Variants in RIMS2 observed in about 807,000 individuals in gnomAD.
RIMS2 encodes the protein regulating synaptic membrane exocytosis 2.
Under a neutral mutation model 174.4 loss-of-function variants are expected in RIMS2, and 59 were observed. The observed-to-expected ratio is 0.34, with a 90% CI of 0.27 to 0.42. The LOEUF (loss-of-function observed/expected upper bound fraction) is 0.42, where lower values mean the gene tolerates loss of function less well. Ranked by LOEUF, RIMS2 falls within the 10% of genes least tolerant of loss-of-function variation. RIMS2 has a pLI of 1.00. For synonymous variants in RIMS2, 606 were observed against 572.5 expected (o/e 1.06, Z -0.84); for missense variants, 1,620 against 1,666.3 (o/e 0.97, Z 0.48).
At chr8:103,729,218 C>T (rs1241002711) in intron 2 of RIMS2, among the ~76,000 whole-genome samples, 2 of 152,024 alleles carry the variant, frequency 1.3e-5, no homozygotes, top group Non-Finnish European at 2.9e-5. Flanking sequence ...CTTTTCTTTG[C>T]TGGGAAACTT....
At chr8:104,002,791 A>C (rs1420121211) in intron 17 of RIMS2, among the ~76,000 whole-genome samples, 2 of 152,128 alleles carry the variant, frequency 1.3e-5, no homozygotes, top group African/African-American at 4.8e-5. Flanking sequence ...ATAACATGAA[A>C]AGTTATGAGG....
chr8:103,879,468 T>G (rs2154516829), intron 3 of RIMS2, among the ~76,000 whole-genome samples: 1 of 151,694 alleles, frequency 6.6e-6, no homozygotes, highest in East Asian at 1.9e-4. Flanking sequence ...ATGGTTGAAA[T>G]TACTGGTTTT....
chr8:103,547,244 T>C (rs1845547179), intron 1 of RIMS2, among the ~76,000 whole-genome samples: 1 of 152,184 alleles, frequency 6.6e-6, no homozygotes, highest in South Asian at 2.1e-4. Flanking sequence ...TCTCATGTTA[T>C]CCTTCCCAAA....
chr8:104,236,838 T>G (rs1264492085), intron 19 of RIMS2, among the ~76,000 whole-genome samples: 1 of 152,090 alleles, frequency 6.6e-6, no homozygotes, highest in Non-Finnish European at 1.5e-5. Context: ...AAAAAGCACT[T>G]CAGGTAAAAA....
chr8:103,729,196 T>G (rs796721699), intron 2 of RIMS2, among the ~76,000 whole-genome samples: 1 of 152,276 alleles, frequency 6.6e-6, no homozygotes, highest in African/African-American at 2.4e-5. Flanking sequence ...AATGAAGACG[T>G]TGGATCCTGG....
intron 19 of RIMS2, among the ~76,000 whole-genome samples, chr8:104,070,901 C>T (rs931283889): frequency 1.3e-5 from 2 of 152,132 alleles, no homozygotes; most frequent in Non-Finnish European, 2.9e-5. Context: ...ATACCCACTA[C>T]ATGTGGGCAA....
At chr8:103,851,620 G>T (rs2098998360) in intron 3 of RIMS2, among the ~76,000 whole-genome samples, 1 of 147,984 alleles carries the variant, frequency 6.8e-6, no homozygotes, top group East Asian at 2.0e-4. Context: ...AGATGTGTAT[G>T]CCTGTGTCTA....
chr8:103,922,403 T>C (rs565240780), intron 10 of RIMS2, among the ~76,000 whole-genome samples: 1 of 152,158 alleles, frequency 6.6e-6, no homozygotes, highest in East Asian at 1.9e-4. Flanking sequence ...TTTTATATTG[T>C]GTTGATATTA....
chr8:103,667,168 CCCCTACA>C (rs2096681599), intron 1 of RIMS2, among the ~76,000 whole-genome samples: 2 of 152,156 alleles, frequency 1.3e-5, no homozygotes, highest in South Asian at 4.1e-4. Flanking sequence ...ATTTGTTAAT[CCCCTACA>C]ACAGAATCTC....
At chr8:103,748,320 C>T (rs747471070) in intron 2 of RIMS2, among the ~76,000 whole-genome samples, 6 of 151,932 alleles carry the variant, frequency 3.9e-5, no homozygotes, top group Non-Finnish European at 8.8e-5. Context: ...TGGTGTGTGC[C>T]TGTAGTCCCA....
At chr8:104,044,360 A>G (rs2096658481) in intron 19 of RIMS2, among the ~76,000 whole-genome samples, 1 of 151,498 alleles carries the variant, frequency 6.6e-6, no homozygotes, top group Non-Finnish European at 1.5e-5. Context: ...AAACAAGGAG[A>G]ATAATAAGGA....
At chr8:103,621,416 G>C (rs914249244) in intron 1 of RIMS2, among the ~76,000 whole-genome samples, 14 of 152,342 alleles carry the variant, frequency 9.2e-5, no homozygotes, top group African/African-American at 3.4e-4. Flanking sequence ...ACAAAGGAAG[G>C]AGGAAGTAAC....
Position 103,741,107 on chromosome 8 carries a change from A to T in RIMS2, c.388-25120A>T, listed in dbSNP as rs574337044. ...AATAATTATTAATACACAATTGTTT[A>T]AAATAAATGCAAATTTTGATTACAA... On this transcript the variant is annotated intron_variant, in intron 2 of 23. Transcript: ENST00000504942. 3.3e-5 allele frequency among the ~76,000 whole-genome samples: 5 copies of T among 152,170 alleles called. No homozygotes were observed. The South Asian group carries it at 1.0e-3, about 32-fold the overall frequency.
intron 19 of RIMS2, among the ~76,000 whole-genome samples, chr8:104,180,993 C>T (rs935341517): frequency 8.6e-5 from 13 of 151,572 alleles, no homozygotes; most frequent in African/African-American, 3.1e-4. Flanking sequence ...GTGTATCCTA[C>T]AAAACAATAA....
At chr8:103,904,730 A>G (rs1037934702) in intron 4 of RIMS2, among the ~76,000 whole-genome samples, 2 of 152,058 alleles carry the variant, frequency 1.3e-5, no homozygotes, top group Non-Finnish European at 2.9e-5. Flanking sequence ...AATCATGAAC[A>G]ATATTGGTCT....
chr8:104,248,679 T>C (rs1242182005), intron 20 of RIMS2, 22 bp from the exon 27 acceptor site: 2 of 1,265,574 alleles, frequency 1.6e-6, no homozygotes, highest in Non-Finnish European at 2.3e-6. Context: ...GGATTTAATC[T>C]CATATGTTAT....
chr8:103,743,168 CT>C (rs537793188), intron 2 of RIMS2, among the ~76,000 whole-genome samples: 139 of 152,158 alleles, frequency 9.1e-4, no homozygotes, highest in Non-Finnish European at 1.8e-3. Flanking sequence ...TAAGCAAGTA[CT>C]TTTGTTAGCT....
intron 1 of RIMS2, among the ~76,000 whole-genome samples, chr8:103,516,714 A>G (rs1829162987): frequency 6.6e-6 from 1 of 152,172 alleles, no homozygotes; most frequent in African/African-American, 2.4e-5. Context: ...AAAATTAAAA[A>G]TAAATGTTTT....
chr8:103,847,491 A>G (rs185540341), intron 3 of RIMS2, among the ~76,000 whole-genome samples: 3 of 152,216 alleles, frequency 2.0e-5, no homozygotes, highest in East Asian at 3.9e-4. Flanking sequence ...TAACACTACA[A>G]AGAAACATAT....
Sources: gnomAD v4.1 joint callset for allele counts (sites outside exome capture counted in the v4.1 genomes callset) on GRCh38, gnomAD v4.1.1 for gene constraint, MANE v1.5 for transcripts, NCBI Gene and HGNC (gene_info 2026-07-23, HGNC 2026-07-21) for gene names.